The following BIN1 variants were observed in gnomAD, a reference collection of about 807,000 sequenced individuals.
BIN1 encodes myc box-dependent-interacting protein 1.
A neutral mutation model predicts 82.0 loss-of-function variants in BIN1; 53 were observed. The ratio of observed to expected loss-of-function variants is 0.65; its 90% CI spans 0.52 to 0.81. The LOEUF (loss-of-function observed/expected upper bound fraction) is 0.81. Among genes scored for constraint, BIN1 ranks in the 40% least tolerant of loss-of-function variants. BIN1 has a pLI of 0.00. For missense variants in BIN1, 642 were observed against 784.4 expected (o/e 0.82, Z 2.17); for synonymous variants, 302 against 328.0 (o/e 0.92, Z 0.86).
At chr2:127,096,740 A>T (rs925295239) in intron 1 of BIN1, among the ~76,000 whole-genome samples, 1 of 152,182 alleles carries the variant, frequency 6.6e-6, no homozygotes, top group Non-Finnish European at 1.5e-5. Flanking sequence ...GGCCAAATGG[A>T]TAGGAGGCCA....
At chr2:127,069,770 C>T (rs1354287253) in intron 5 of BIN1, among the ~76,000 whole-genome samples, 28 of 134,732 alleles carry the variant, frequency 2.1e-4, no homozygotes, top group South Asian at 2.4e-4. Context: ...ACACACGTGC[C>T]GTGAGGCTTC....
chr2:127,069,842 G>A (rs536174738), intron 5 of BIN1, among the ~76,000 whole-genome samples, 153 bp downstream of exon 5: 1 of 152,372 alleles, frequency 6.6e-6, no homozygotes, highest in East Asian at 1.9e-4. Context: ...GCTGGTGGCA[G>A]AGGGAGCAAC....
At chr2:127,101,176 C>A (rs988992461) in intron 1 of BIN1, among the ~76,000 whole-genome samples, 3 of 152,166 alleles carry the variant, frequency 2.0e-5, no homozygotes, top group Admixed American at 2.0e-4. Flanking sequence ...GGACAGGTAC[C>A]CCTGCCCACC....
At chr2:127,052,189 C>A in intron 15 of BIN1, 66 bp downstream of exon 15, 1 of 1,492,106 alleles carries the variant, frequency 6.7e-7, no homozygotes, top group Non-Finnish European at 9.1e-7. Context: ...CCTCGGGGCT[C>A]TCCTTCCATG....
chr2:127,065,317 A>G (rs535155316), intron 7 of BIN1, among the ~76,000 whole-genome samples: 1 of 152,064 alleles, frequency 6.6e-6, no homozygotes, highest in South Asian at 2.1e-4. Flanking sequence ...GGGGGTGGGG[A>G]AGAATGTCTA....
rs368910139 is a variant in BIN1 at position 127,051,190 on chromosome 2, C to T, written c.1425G>A (p.Gln475=). ...CACTTGCCGCCGTCTCCCCTGGCTC[C>T]TGGGCTCCAGCCGCAGGTTGGGTCC... ...AGGTQPAAGA[Q]EPGETAASEA... The change falls in exon 16 of 19, where the codon CAG becomes CAA. Residue 475 remains glutamine (Q), a synonymous_variant. Coordinates refer to ENST00000316724, the MANE Select transcript of BIN1 (RefSeq NM_139343.3). 9.9e-6 allele frequency: 16 copies of T among 1,613,488 alleles called. No individual in the cohort carries two copies. The highest frequency in any genetic ancestry group is 1.4e-5 in the Non-Finnish European group (16 of 1,179,922).
chr2:127,084,982 C>A (rs1014346614), intron 1 of BIN1, among the ~76,000 whole-genome samples: 2 of 152,206 alleles, frequency 1.3e-5, no homozygotes, highest in African/African-American at 4.8e-5. Flanking sequence ...AGTGCTTAAC[C>A]CAGAAGCTAG....
At chr2:127,080,606 G>A (rs974307600) in intron 1 of BIN1, among the ~76,000 whole-genome samples, 2 of 152,230 alleles carry the variant, frequency 1.3e-5, no homozygotes, top group Non-Finnish European at 2.9e-5. Flanking sequence ...GACACACAGA[G>A]GCCCAGGCGG....
chr2:127,062,267 C>T, intron 9 of BIN1, 70 bp from the exon 10 acceptor site: 3 of 1,437,416 alleles, frequency 2.1e-6, no homozygotes, highest in South Asian at 1.2e-5. Flanking sequence ...CCCCAAACAC[C>T]TCTGCTTCTC....
chr2:127,086,901 G>A (rs748272696), intron 1 of BIN1, among the ~76,000 whole-genome samples: 2 of 152,014 alleles, frequency 1.3e-5, no homozygotes, highest in African/African-American at 4.8e-5. Flanking sequence ...CCCATGCTCC[G>A]TCCCCTGACA....
At chr2:127,081,628 G>A (rs949294866) in intron 1 of BIN1, among the ~76,000 whole-genome samples, 4 of 152,162 alleles carry the variant, frequency 2.6e-5, no homozygotes, top group Non-Finnish European at 4.4e-5. Flanking sequence ...CGCGTTCCCA[G>A]TCACTCTGGT....
At chr2:127,080,448 G>A (rs529468629) in intron 1 of BIN1, among the ~76,000 whole-genome samples, 7 of 152,348 alleles carry the variant, frequency 4.6e-5, no homozygotes, top group East Asian at 1.9e-4. Flanking sequence ...AGGGTCTGGC[G>A]GCACAGGCCA....
chr2:127,063,418 G>C (rs1684748999), intron 9 of BIN1, among the ~76,000 whole-genome samples, 153 bp downstream of exon 9: 1 of 152,138 alleles, frequency 6.6e-6, no homozygotes, highest in South Asian at 2.1e-4. Flanking sequence ...CCTGAAGGGG[G>C]CTGTTCCACA....
intron 12 of BIN1, chr2:127,054,266 A>C: frequency 3.8e-6 from 2 of 522,964 alleles, no homozygotes; most frequent in Admixed American, 3.1e-5. Flanking sequence ...CAGGAGGACG[A>C]CCCCAGTGCC....
chr2:127,053,819 G>C, intron 13 of BIN1, 86 bp downstream of exon 13: 1 of 1,314,938 alleles, frequency 7.6e-7, no homozygotes, highest in East Asian at 2.5e-5. Context: ...GGCCTAGCTG[G>C]GGTCACGTGG....
At position 127,068,396 on chromosome 2, in the gene BIN1, G is replaced by T. The variant is rs183752532; in HGVS notation, c.520-141C>A. On this transcript the variant is annotated intron_variant, in intron 6 of 18. Coordinates refer to ENST00000316724, the MANE Select transcript of BIN1 (RefSeq NM_139343.3). The surrounding 1 kb of genome is among the most constrained non-coding windows in gnomAD (Gnocchi z 4.9). The stretch of plus-strand genomic sequence containing the variant: ...CAAGCAGATATGGGCCCTTGAGGCC[G>T]AGAGAATTAGGGGGAGCCCGGGGGG... The T allele has an allele frequency of 3.1e-6, 2 of 638,248 alleles. No homozygotes were observed. Among genetic ancestry groups the T allele is most frequent in the African/African-American group, 1.8e-5 (1 of 54,716 alleles). The allele number at this position is 638,248 out of a possible 1,614,324, so 39.5% of individuals were successfully genotyped here.
rs981808611 is a variant in BIN1 at position 127,081,999 on chromosome 2, CACAG to C, written c.85-5297_85-5294del. 8 of 666,518 alleles carry C rather than the reference CACAG, an allele frequency of 1.2e-5. No homozygotes were observed. In the African/African-American group the frequency reaches 1.4e-4, roughly 11 times the overall value. 41.3% of individuals were successfully genotyped at this position (666,518 alleles called of 1,614,324 possible). On this transcript the variant is annotated intron_variant, in intron 1 of 18. Coordinates refer to ENST00000316724, the MANE Select transcript of BIN1 (RefSeq NM_139343.3). ...CACCGAGGCTCCCCAGGCAGGCAGACACAGACAGAGGACAGGCAGGCGGGCAGGG... is the reference window on the plus strand; with the variant it reads ...CACCGAGGCTCCCCAGGCAGGCAGACACAGAGGACAGGCAGGCGGGCAGGG...
chr2:127,054,014 T>G lies in BIN1; in HGVS notation c.1132-2A>C, dbSNP rs1295546366. On this transcript the variant is annotated splice_acceptor_variant, in intron 12 of 18. Coordinates refer to ENST00000316724, the MANE Select transcript of BIN1 (RefSeq NM_139343.3). LOFTEE classifies it high-confidence loss of function. The stretch of plus-strand genomic sequence containing the variant: ...CGAGAAAGGCCCCGGGGCCTCAAAC[T>G]TGGCAGCAGCAGCAGCAGCAGAGGA... The G allele has an allele frequency of 1.3e-6, 2 of 1,550,488 alleles. No individual in the cohort carries two copies. The highest frequency in any genetic ancestry group is 4.9e-5 in the East Asian group (2 of 40,866).
At chr2:127,101,915 T>C (rs1188357114) in intron 1 of BIN1, among the ~76,000 whole-genome samples, 1 of 152,072 alleles carries the variant, frequency 6.6e-6, no homozygotes, top group East Asian at 1.9e-4. Context: ...TAATGGACAC[T>C]CTGGGGACAG....
Sources: allele counts gnomAD v4.1 joint callset (sites outside exome capture counted in the v4.1 genomes callset), GRCh38; gene constraint gnomAD v4.1.1; non-coding constraint Gnocchi (gnomAD v3.1); transcripts MANE v1.5; gene names NCBI Gene and HGNC (gene_info 2026-07-23, HGNC 2026-07-21).